The following IL1RAPL2 variants were observed in gnomAD, a reference collection of about 807,000 sequenced individuals.
The protein encoded by IL1RAPL2 is interleukin 1 receptor accessory protein like 2.
Under a neutral mutation model 44.1 loss-of-function variants are expected in IL1RAPL2, and 3 were observed. The ratio of observed to expected loss-of-function variants is 0.07; its 90% CI spans 0.03 to 0.18. The LOEUF is 0.18. IL1RAPL2 is among the 10% of genes least tolerant of loss of function. The probability of loss-of-function intolerance (pLI) is 1.00; values close to 1 mark genes in which losing one functional copy is unlikely to be tolerated. For missense variants in IL1RAPL2, 391 were observed against 496.4 expected (o/e 0.79, Z 2.02); for synonymous variants, 181 against 178.8 (o/e 1.01, Z -0.10).
intron 2 of IL1RAPL2, among the ~76,000 whole-genome samples, chrX:104,767,923 G>C (rs755015517): frequency 6.2e-4 from 69 of 112,090 alleles, no homozygotes; most frequent in African/African-American, 2.1e-3. Context: ...AGCCTAGGTA[G>C]ACACAGTGGG....
chrX:104,835,384 A>C (rs867765354), intron 2 of IL1RAPL2, among the ~76,000 whole-genome samples: 65 of 104,402 alleles, frequency 6.2e-4, no homozygotes, highest in Admixed American at 3.1e-4. Context: ...TACTATCAGG[A>C]AAAAAAAAAA....
chrX:105,031,932 A>T (rs1442738324), intron 2 of IL1RAPL2, among the ~76,000 whole-genome samples: 2 of 111,370 alleles, frequency 1.8e-5, no homozygotes, highest in African/African-American at 6.5e-5. Context: ...CAGAGATTCA[A>T]CTTCTTCCTG....
chrX:104,572,875 T>A (rs1928173502), intron 1 of IL1RAPL2, among the ~76,000 whole-genome samples: 1 of 112,534 alleles, frequency 8.9e-6, no homozygotes, highest in Admixed American at 9.3e-5. Flanking sequence ...GTGCCGCGGT[T>A]ACAGGTGTGA....
At chrX:104,636,811 C>G (rs1213293553) in intron 1 of IL1RAPL2, among the ~76,000 whole-genome samples, 2 of 112,103 alleles carry the variant, frequency 1.8e-5, no homozygotes, top group African/African-American at 6.5e-5. Context: ...GATGCCTCGC[C>G]CTGCTTTGGC....
chrX:105,075,420 G>A (rs769658527), intron 2 of IL1RAPL2, among the ~76,000 whole-genome samples: 2 of 111,308 alleles, frequency 1.8e-5, no homozygotes, highest in African/African-American at 3.3e-5. Flanking sequence ...TAAGCTTTTT[G>A]ATGTGCTGCT....
intron 5 of IL1RAPL2, among the ~76,000 whole-genome samples, chrX:105,369,562 G>A (rs768805508): frequency 1.7e-4 from 19 of 111,469 alleles, no homozygotes; most frequent in Non-Finnish European, 2.8e-4. Flanking sequence ...TTATTCTGCC[G>A]TAACCAAAGT....
At chrX:105,510,718 A>T (rs752493932) in intron 6 of IL1RAPL2, among the ~76,000 whole-genome samples, 2 of 111,585 alleles carry the variant, frequency 1.8e-5, no homozygotes, top group African/African-American at 6.5e-5. Flanking sequence ...GAACTTACTG[A>T]TGCTGACTTT....
At chrX:105,576,550 T>C (rs897342824) in intron 6 of IL1RAPL2, among the ~76,000 whole-genome samples, 2 of 111,535 alleles carry the variant, frequency 1.8e-5, no homozygotes, top group Non-Finnish European at 3.8e-5. Context: ...ATCCCCATAC[T>C]GGTCACCTTG....
chrX:104,802,096 G>A lies in IL1RAPL2; in HGVS notation c.82+143101G>A, dbSNP rs7876406. Among the ~76,000 whole-genome samples, 375 of 110,912 alleles carry A rather than the reference G, an allele frequency of 3.4e-3. 2 individuals are homozygous for A. The highest frequency in any genetic ancestry group is 5.5e-3 in the Non-Finnish European group (293 of 53,025). On this transcript the variant is annotated intron_variant, in intron 2 of 10. Coordinates refer to ENST00000372582, the MANE Select transcript of IL1RAPL2 (RefSeq NM_017416.2). ...GCGGTGGTTCACCCCTGTAATCCCA[G>A]CACTTTGGGAGGCTGAGGCAGGCGG...
chrX:105,304,769 T>C (rs1227381668), intron 5 of IL1RAPL2, among the ~76,000 whole-genome samples: 2 of 112,120 alleles, frequency 1.8e-5, no homozygotes, highest in Non-Finnish European at 3.8e-5. Flanking sequence ...AGGTACTAAA[T>C]ATATCCATTA....
intron 2 of IL1RAPL2, among the ~76,000 whole-genome samples, chrX:105,030,603 A>G (rs2031472200): frequency 9.0e-6 from 1 of 111,625 alleles, no homozygotes; most frequent in African/African-American, 3.3e-5. Flanking sequence ...CCATTGATCT[A>G]TATCTCTGTT....
At chrX:104,870,576 A>G (rs780571566) in intron 2 of IL1RAPL2, among the ~76,000 whole-genome samples, 1 of 111,371 alleles carries the variant, frequency 9.0e-6, no homozygotes, top group Non-Finnish European at 1.9e-5. Context: ...GTTTTGGGTG[A>G]CTCTGAAGTT....
chrX:105,212,882 A>C (rs1446910222), intron 3 of IL1RAPL2, among the ~76,000 whole-genome samples: 1 of 112,185 alleles, frequency 8.9e-6, no homozygotes, highest in African/African-American at 3.2e-5. Context: ...CCTGCAGAAG[A>C]GGGACGTGAC....
At chrX:105,372,517 C>T (rs985320582) in intron 5 of IL1RAPL2, among the ~76,000 whole-genome samples, 1 of 110,309 alleles carries the variant, frequency 9.1e-6, no homozygotes, top group Non-Finnish European at 1.9e-5. Context: ...GGTACATGTG[C>T]AGTTTTGTTA....
intron 2 of IL1RAPL2, among the ~76,000 whole-genome samples, chrX:105,108,832 T>C (rs1224465871): frequency 8.9e-6 from 1 of 111,764 alleles, no homozygotes; most frequent in Non-Finnish European, 1.9e-5. Flanking sequence ...TTAGATAATT[T>C]CATGCCCTTG....
chrX:104,754,297 A>G (rs1376729501), intron 2 of IL1RAPL2, among the ~76,000 whole-genome samples: 1 of 111,907 alleles, frequency 8.9e-6, no homozygotes, highest in Non-Finnish European at 1.9e-5. Flanking sequence ...TTGAGTGTGG[A>G]TCAAGGAGGT....
At chrX:105,432,129 C>CTTTTTT in intron 5 of IL1RAPL2, among the ~76,000 whole-genome samples, 1 of 44,831 alleles carries the variant, frequency 2.2e-5, no homozygotes, top group African/African-American at 9.2e-5. Context: ...TTCAATTTGC[C>CTTTTTT]TTTTTTTTTT....
chrX:104,886,612 C>T (rs899252497), intron 2 of IL1RAPL2, among the ~76,000 whole-genome samples: 9 of 112,061 alleles, frequency 8.0e-5, no homozygotes, highest in African/African-American at 2.9e-4. Context: ...CCTGTATATC[C>T]AGTTGTACCC....
intron 2 of IL1RAPL2, among the ~76,000 whole-genome samples, chrX:104,879,367 A>AAAAAAAAAAAAAAAAAAAAAAAAAAAAC (rs1922999367): frequency 1.0e-5 from 1 of 97,462 alleles, no homozygotes. Context: ...AAAACTAGTA[A>AAAAAAAAAAAAAAAAAAAAAAAAAAAAC]AAAAAAAAAA....
Sources: gnomAD v4.1 joint callset for allele counts (sites outside exome capture counted in the v4.1 genomes callset) on GRCh38, gnomAD v4.1.1 for gene constraint, MANE v1.5 for transcripts, NCBI Gene and HGNC (gene_info 2026-07-23, HGNC 2026-07-21) for gene names.